The following ARMH1 variants were observed in gnomAD, a reference collection of about 807,000 sequenced individuals.
ARMH1 encodes armadillo like helical domain containing 1.
ARMH1 carries 34 observed loss-of-function variants against 50.2 expected under a neutral mutation model. That is an observed-to-expected ratio of 0.68 (90% CI 0.51 to 0.90). The LOEUF is 0.90. ARMH1 is among the 40% of genes least tolerant of loss of function. The pLI is 0.00. For missense variants in ARMH1, 538 were observed against 553.9 expected (o/e 0.97, Z 0.29); for synonymous variants, 221 against 224.2 (o/e 0.99, Z 0.13).
chr1:44,718,634 C>A (rs11211024), intron 6 of ARMH1, among the ~76,000 whole-genome samples: 1 of 152,046 alleles, frequency 6.6e-6, no homozygotes, highest in African/African-American at 2.4e-5. Flanking sequence ...TCTGGGCAAC[C>A]AGAGGCTGCA....
chr1:44,718,874 A>C (rs1350346424), intron 6 of ARMH1, among the ~76,000 whole-genome samples: 1 of 151,872 alleles, frequency 6.6e-6, no homozygotes, highest in African/African-American at 2.4e-5. Context: ...AAATACAAAA[A>C]ATTAGCTGGC....
chr1:44,718,959 A>G, intron 6 of ARMH1, among the ~76,000 whole-genome samples: 1 of 139,304 alleles, frequency 7.2e-6, no homozygotes, highest in South Asian at 2.5e-4. Flanking sequence ...TATGAGTCAG[A>G]GGTTGCAGTG....
In ARMH1 at chr1:44,724,831, C is replaced by A; in HGVS notation, c.1120C>A (p.Leu374Ile). Residue 374 changes from leucine to isoleucine, a missense_variant, in exon 10 of 12, where the codon CTC becomes ATC. By Grantham distance (5) the Leu-to-Ile change is conservative. Transcript: ENST00000535358. The surrounding 1 kb of genome is among the most constrained non-coding windows in gnomAD (Gnocchi z 6.4). The stretch of plus-strand genomic sequence containing the variant: ...GTGCATGGGGGAGGAACTCTACCAG[C>A]TCTTCCTGGTAAGTGCGCCCTTCCT... ...RKCMGEELYQLFLSNAEDLYM... is the reference protein window; with the variant it reads ...RKCMGEELYQIFLSNAEDLYM... 6.5e-7 allele frequency: 1 copy of A among 1,540,436 alleles called. No homozygotes were observed.
At chr1:44,705,335 A>G (rs1426432378) in intron 6 of ARMH1, among the ~76,000 whole-genome samples, 1 of 152,096 alleles carries the variant, frequency 6.6e-6, no homozygotes, top group Non-Finnish European at 1.5e-5. Flanking sequence ...TACTAAGAAT[A>G]CAAAAAAATT....
intron 6 of ARMH1, among the ~76,000 whole-genome samples, chr1:44,709,995 G>A (rs1427071035): frequency 6.6e-6 from 1 of 152,158 alleles, no homozygotes; most frequent in Non-Finnish European, 1.5e-5. Flanking sequence ...CTAATCAAAT[G>A]ATCATTTCAT....
At chr1:44,719,188 A>G (rs1646980127) in intron 6 of ARMH1, among the ~76,000 whole-genome samples, 1 of 151,886 alleles carries the variant, frequency 6.6e-6, no homozygotes, top group African/African-American at 2.4e-5. Context: ...TTCCACCTCC[A>G]GGTGATTTTT....
chr1:44,695,550 G>C (rs573082952), intron 2 of ARMH1, among the ~76,000 whole-genome samples: 2 of 152,018 alleles, frequency 1.3e-5, no homozygotes, highest in Admixed American at 1.3e-4. Context: ...TACTTAAAGG[G>C]AGGCAGAGGC....
At chr1:44,677,848 T>C (rs900629885) in intron 1 of ARMH1, among the ~76,000 whole-genome samples, 8 of 151,918 alleles carry the variant, frequency 5.3e-5, no homozygotes, top group African/African-American at 1.7e-4. Flanking sequence ...ACCCTTGAAG[T>C]AGTAAGGGCT....
chr1:44,702,724 A>AAAAAG (rs1483763503), intron 5 of ARMH1, among the ~76,000 whole-genome samples: 2 of 151,438 alleles, frequency 1.3e-5, no homozygotes, highest in African/African-American at 2.4e-5. Context: ...AAAAAAAAAA[A>AAAAAG]AAAAGAAAAG....
intron 6 of ARMH1, among the ~76,000 whole-genome samples, chr1:44,713,877 A>G (rs1013013366): frequency 1.3e-5 from 2 of 152,228 alleles, no homozygotes; most frequent in African/African-American, 4.8e-5. Context: ...AAATACCACC[A>G]TAGCACATAC....
intron 1 of ARMH1, among the ~76,000 whole-genome samples, chr1:44,688,916 A>G (rs1462571588): frequency 2.0e-5 from 3 of 152,146 alleles, no homozygotes; most frequent in Non-Finnish European, 4.4e-5. Flanking sequence ...GTTAGTGTAA[A>G]AGCCCGAGGT....
chr1:44,720,074 A>C (rs1199387953), intron 6 of ARMH1, among the ~76,000 whole-genome samples: 1 of 151,968 alleles, frequency 6.6e-6, no homozygotes, highest in Non-Finnish European at 1.5e-5. Flanking sequence ...GCGGGCGCCT[A>C]TAATCCTAGC....
Position 44,725,460 on chromosome 1 carries a change from A to T in ARMH1, c.*57A>T. 1.3e-6 allele frequency: 2 copies of T among 1,521,428 alleles called. No homozygotes were observed. The highest frequency in any genetic ancestry group is 1.8e-6 in the Non-Finnish European group (2 of 1,120,618). 94.2% of individuals were successfully genotyped at this position (1,521,428 alleles called of 1,614,324 possible). A position where few individuals can be genotyped will look rare whatever the true frequency, so the allele number is the denominator to read the frequency against. Reference sequence around the variant, plus strand: ...CTGCGGGGCAGGGAAGCCTGGCAAGAGGAAGGCGCCTGGGGTCAAGCTCAG... The same window carrying T: ...CTGCGGGGCAGGGAAGCCTGGCAAGTGGAAGGCGCCTGGGGTCAAGCTCAG... On this transcript the variant is annotated 3_prime_UTR_variant, in exon 12 of 12. Transcript: ENST00000535358.
intron 6 of ARMH1, among the ~76,000 whole-genome samples, chr1:44,708,740 T>C (rs1646453303): frequency 6.6e-6 from 1 of 152,150 alleles, no homozygotes; most frequent in African/African-American, 2.4e-5. Flanking sequence ...TGAAGAACGC[T>C]ACCTTCCCCC....
chr1:44,689,619 T>C, intron 1 of ARMH1, 57 bp from the exon 2 acceptor site: 2 of 1,313,886 alleles, frequency 1.5e-6, no homozygotes, highest in South Asian at 2.6e-5. Flanking sequence ...AGAAAAATAA[T>C]GGAGTTGCAT....
rs1262380429 is a variant in ARMH1 at position 44,682,055 on chromosome 1, A to T, written c.-23+7182A>T. On this transcript the variant is annotated intron_variant, in intron 1 of 11. Coordinates refer to ENST00000535358, the MANE Select transcript of ARMH1 (RefSeq NM_001145636.2). This position sits in a 1 kb window ranked among gnomAD's most constrained non-coding sequence, Gnocchi z 4.5. ...CCCGAGGGCAAGGTCTATGTTTGTC[A>T]CGTTAACCAATCCCAAGCCCAGTGC... 6.6e-6 allele frequency among the ~76,000 whole-genome samples: 1 copy of T among 152,174 alleles called. No homozygotes were observed. Among genetic ancestry groups the T allele is most frequent in the East Asian group, 1.9e-4 (1 of 5,202 alleles).
intron 6 of ARMH1, among the ~76,000 whole-genome samples, chr1:44,722,536 A>C (rs1647451126): frequency 6.6e-6 from 1 of 151,560 alleles, no homozygotes; most frequent in Non-Finnish European, 1.5e-5. Flanking sequence ...GCCTGAGGTC[A>C]GGAGTTCAAG....
intron 1 of ARMH1, among the ~76,000 whole-genome samples, chr1:44,685,357 G>A (rs1189882715): frequency 6.6e-6 from 1 of 151,266 alleles, no homozygotes; most frequent in Non-Finnish European, 1.5e-5. Context: ...TGCCCAGGCT[G>A]GAGTGCAGTG....
intron 6 of ARMH1, among the ~76,000 whole-genome samples, 153 bp downstream of exon 6, chr1:44,704,326 T>C (rs1646238048): frequency 6.6e-6 from 1 of 152,130 alleles, no homozygotes; most frequent in Non-Finnish European, 1.5e-5. Context: ...CAGTCACACC[T>C]ATGCCTTGCG....
Sources: gnomAD v4.1 joint callset for allele counts (sites outside exome capture counted in the v4.1 genomes callset) on GRCh38, gnomAD v4.1.1 for gene constraint, Gnocchi (gnomAD v3.1) non-coding constraint, MANE v1.5 for transcripts, NCBI Gene and HGNC (gene_info 2026-07-23, HGNC 2026-07-21) for gene names.